Variants in TBL1X observed in about 807,000 individuals in gnomAD.
TBL1X encodes the protein F-box-like/WD repeat-containing protein TBL1X.
In TBL1X, 10 loss-of-function variants were observed where a neutral mutation model predicts 50.7. The ratio of observed to expected loss-of-function variants is 0.20; its 90% CI spans 0.12 to 0.33. The LOEUF is 0.33. TBL1X is among the 10% of genes least tolerant of loss of function. TBL1X has a pLI of 1.00. For missense variants in TBL1X, 340 were observed against 504.4 expected (o/e 0.67, Z 3.12); for synonymous variants, 190 against 214.7 (o/e 0.88, Z 1.01).
At chrX:9,701,602 A>C (rs1221932592) in intron 12 of TBL1X, among the ~76,000 whole-genome samples, 1 of 107,743 alleles carries the variant, frequency 9.3e-6, no homozygotes, top group Non-Finnish European at 1.9e-5. Context: ...AAAAAGAAGA[A>C]GAAAAAGAAA....
In TBL1X at chrX:9,705,739, A is replaced by G. The variant is rs765807126; in HGVS notation, c.1236+625A>G. 5.3e-3 allele frequency among the ~76,000 whole-genome samples: 587 copies of G among 109,931 alleles called. 3 individuals carry two copies. The highest frequency in any genetic ancestry group is 0.017 in the African/African-American group (527 of 30,214). On this transcript the variant is annotated intron_variant, in intron 13 of 17. Coordinates refer to ENST00000645353, the MANE Select transcript of TBL1X (RefSeq NM_005647.4). ...TTGTCTCTTTAAAAAAAAAAAAAAA[A>G]AAAAGAAAAGAAATTGAGAACTGAG...
intron 5 of TBL1X, among the ~76,000 whole-genome samples, chrX:9,680,709 T>A (rs1175202389): frequency 1.8e-5 from 2 of 111,821 alleles, no homozygotes; most frequent in Non-Finnish European, 3.8e-5. Context: ...AGTGAAAATT[T>A]CAGCAAATAG....
At chrX:9,671,440 T>C (rs758345574) in intron 5 of TBL1X, among the ~76,000 whole-genome samples, 5 of 112,752 alleles carry the variant, frequency 4.4e-5, no homozygotes, top group Non-Finnish European at 9.4e-5. Context: ...AGAAGGAAAA[T>C]AGGAGAATAC....
intron 12 of TBL1X, 132 bp downstream of exon 12, chrX:9,697,561 C>G (rs2083139531): frequency 9.8e-6 from 9 of 921,935 alleles, no homozygotes; most frequent in Non-Finnish European, 1.4e-5. Flanking sequence ...TGCATGAGGT[C>G]AGGAGTTCAA....
intron 1 of TBL1X, among the ~76,000 whole-genome samples, chrX:9,465,878 C>T (rs1241072361): frequency 1.8e-5 from 2 of 113,180 alleles, no homozygotes; most frequent in Admixed American, 1.8e-4. Flanking sequence ...GGCGGGATTT[C>T]CCCGCTGTTG....
chrX:9,467,704 C>T (rs770154263), intron 1 of TBL1X, among the ~76,000 whole-genome samples: 3 of 111,057 alleles, frequency 2.7e-5, no homozygotes, highest in Non-Finnish European at 5.7e-5. Context: ...TTTTTACCTC[C>T]GGTCTTGCCC....
chrX:9,540,183 T>C (rs1325653162), intron 2 of TBL1X, among the ~76,000 whole-genome samples: 2 of 112,544 alleles, frequency 1.8e-5, no homozygotes, highest in Non-Finnish European at 3.7e-5. Context: ...TGAACACTTA[T>C]GCGTTAGCCA....
intron 2 of TBL1X, among the ~76,000 whole-genome samples, chrX:9,511,604 G>T: frequency 8.9e-6 from 1 of 112,436 alleles, no homozygotes; most frequent in East Asian, 2.8e-4. Context: ...GGTTAAATAC[G>T]TTTTATTTCT....
At chrX:9,663,232 T>C (rs1423385400) in intron 5 of TBL1X, among the ~76,000 whole-genome samples, 1 of 111,807 alleles carries the variant, frequency 8.9e-6, no homozygotes, top group Non-Finnish European at 1.9e-5. Context: ...GTAAGCTACA[T>C]TGGTGTCTGA....
chrX:9,701,162 G>A (rs1000731800), intron 12 of TBL1X, among the ~76,000 whole-genome samples: 25 of 111,340 alleles, frequency 2.2e-4, no homozygotes, highest in Admixed American at 6.7e-4. Context: ...TCGATACAAC[G>A]CTACGGCTAC....
At chrX:9,638,881 A>G in intron 2 of TBL1X, among the ~76,000 whole-genome samples, 1 of 111,551 alleles carries the variant, frequency 9.0e-6, no homozygotes, top group East Asian at 2.8e-4. Context: ...CCAGCTCACT[A>G]TAAGGAGTAT....
chrX:9,530,020 C>G (rs1378913217), intron 2 of TBL1X, among the ~76,000 whole-genome samples: 1 of 111,328 alleles, frequency 9.0e-6, no homozygotes, highest in African/African-American at 3.3e-5. Flanking sequence ...TAGAAATACG[C>G]TGAGTGGTGG....
chrX:9,581,429 G>T (rs2082441113), intron 2 of TBL1X, among the ~76,000 whole-genome samples: 1 of 111,926 alleles, frequency 8.9e-6, no homozygotes, highest in East Asian at 2.8e-4. Context: ...TGGCTCTCCA[G>T]CAAGGAGCTT....
chrX:9,592,452 A>G (rs1338464954), intron 2 of TBL1X, among the ~76,000 whole-genome samples: 3 of 111,947 alleles, frequency 2.7e-5, no homozygotes, highest in South Asian at 3.7e-4. Context: ...GTCTAGTTGC[A>G]TATTCTGTTT....
intron 1 of TBL1X, among the ~76,000 whole-genome samples, chrX:9,491,246 G>C (rs2081939817): frequency 9.7e-6 from 1 of 102,722 alleles, no homozygotes; most frequent in Non-Finnish European, 2.0e-5. Flanking sequence ...GCCTTCCAAA[G>C]TATTGGGATT....
intron 2 of TBL1X, among the ~76,000 whole-genome samples, chrX:9,529,198 G>T (rs1001712201): frequency 8.9e-6 from 1 of 111,927 alleles, no homozygotes; most frequent in African/African-American, 3.2e-5. Context: ...TTGGGACATA[G>T]CCATGCCCAT....
intron 2 of TBL1X, chrX:9,637,704 A>C (rs1375580237): frequency 8.9e-6 from 1 of 112,086 alleles, no homozygotes; most frequent in Non-Finnish European, 1.9e-5. Flanking sequence ...GCAATTTGAG[A>C]CAAAGGCAGG....
At chrX:9,666,110 C>T (rs888846962) in intron 5 of TBL1X, among the ~76,000 whole-genome samples, 3 of 111,701 alleles carry the variant, frequency 2.7e-5, no homozygotes, top group Non-Finnish European at 5.6e-5. Flanking sequence ...GCATTGCACT[C>T]TCTTCTCCCA....
At chrX:9,492,888 T>TA (rs1258812522) in intron 1 of TBL1X, among the ~76,000 whole-genome samples, 1,541 of 24,568 alleles carry the variant, frequency 0.063, 100 homozygotes, top group Admixed American at 0.21. Flanking sequence ...TGTGTGTGTG[T>TA]GTGTGTGTGT....
Sources: gnomAD v4.1 joint callset for allele counts (sites outside exome capture counted in the v4.1 genomes callset) on GRCh38, gnomAD v4.1.1 for gene constraint, MANE v1.5 for transcripts, NCBI Gene and HGNC (gene_info 2026-07-23, HGNC 2026-07-21) for gene names.